Variants in SLC9C2 observed in about 807,000 individuals in gnomAD.
The protein encoded by SLC9C2 is solute carrier family 9 member C2 (putative).
SLC9C2 carries 75 observed loss-of-function variants against 140.2 expected under a neutral mutation model. The observed-to-expected ratio is 0.53, with a 90% CI of 0.44 to 0.65. The LOEUF is 0.65. SLC9C2 is among the 30% of genes least tolerant of loss of function. SLC9C2 has a pLI of 0.00. For synonymous variants in SLC9C2, 375 were observed against 420.9 expected, an observed-to-expected ratio of 0.89 and a Z score of 1.34; for missense variants, 1,074 against 1,331.8, an observed-to-expected ratio of 0.81 and a Z score of 3.01.
At chr1:173,567,469 T>C (rs190659174) in intron 9 of SLC9C2, among the ~76,000 whole-genome samples, 1 of 152,136 alleles carries the variant, frequency 6.6e-6, no homozygotes, top group Non-Finnish European at 1.5e-5. Context: ...GTCTGAAGTA[T>C]AGCTACTCTT....
In SLC9C2 at chr1:173,524,793, T is replaced by C; in HGVS notation, c.2500A>G (p.Ile834Val). 1 of 1,613,944 alleles carries C rather than the reference T, an allele frequency of 6.2e-7. No individual in the cohort carries two copies. The highest frequency in any genetic ancestry group is 8.5e-7 in the Non-Finnish European group (1 of 1,179,872). ...AGCAAAATTACCTTATTTATCTCAA[T>C]GACTTCATGCTTATCAATAATGCCT... is the stretch of plus-strand genomic sequence containing the variant. ...SRGIIDKHEV[I>V]EINKVLLKKL... is the part of the protein sequence containing the mutation. The change falls in exon 20 of 28, where the codon ATT becomes GTT. Residue 834 changes from isoleucine (I) to valine (V), a missense_variant. Ile to Val is a conservative substitution (Grantham distance 29). Coordinates refer to ENST00000367714, the MANE Select transcript of SLC9C2 (RefSeq NM_178527.4).
intron 10 of SLC9C2, among the ~76,000 whole-genome samples, chr1:173,556,651 C>T (rs1161224102): frequency 2.0e-5 from 3 of 151,982 alleles, no homozygotes; most frequent in Non-Finnish European, 4.4e-5. Context: ...TGGTGGCTCA[C>T]GTCTGTAATC....
intron 11 of SLC9C2, among the ~76,000 whole-genome samples, chr1:173,549,705 A>G (rs915089290): frequency 1.3e-5 from 2 of 152,236 alleles, no homozygotes; most frequent in Admixed American, 1.3e-4. Context: ...ACCACATGGT[A>G]TTCCTAGAAA....
At chr1:173,583,678 G>A in intron 5 of SLC9C2, 56 bp from the exon 6 acceptor site, 2 of 886,796 alleles carry the variant, frequency 2.3e-6, no homozygotes, top group Non-Finnish European at 3.4e-6. Flanking sequence ...TAATGTTCTT[G>A]CACAGGAAGC....
rs561901859 is a variant in SLC9C2 at position 173,573,518 on chromosome 1, C to G, written c.903-193G>C. 1.5e-4 allele frequency among the ~76,000 whole-genome samples: 23 copies of G among 152,018 alleles called. No individual in the cohort carries two copies. In the South Asian group the frequency reaches 1.9e-3, roughly 12 times the overall value. The stretch of plus-strand genomic sequence containing the variant: ...CACCCAGTTCCATATTTTTCATTAC[C>G]TTCATCACACCAATACCCATGGGCT... On this transcript the variant is annotated intron_variant, in intron 8 of 27. Coordinates refer to ENST00000367714, the MANE Select transcript of SLC9C2 (RefSeq NM_178527.4).
chr1:173,535,358 C>T (rs189350223), intron 15 of SLC9C2, among the ~76,000 whole-genome samples: 455 of 152,188 alleles, frequency 3.0e-3, no homozygotes, highest in Non-Finnish European at 5.3e-3. Flanking sequence ...AATATCTACC[C>T]CAGTTAAGTA....
At position 173,583,478 on chromosome 1, in the gene SLC9C2, A is replaced by T. The variant is rs760687478; in HGVS notation, c.640+28T>A. 6.2e-6 allele frequency: 8 copies of T among 1,282,490 alleles called. No homozygotes were observed. In the Middle Eastern group the frequency reaches 5.6e-4, roughly 91 times the overall value. The allele number at this position is 1,282,490 out of a possible 1,614,324, so 79.4% of individuals were successfully genotyped here. The stretch of plus-strand genomic sequence containing the variant: ...TTAATTTTAATGAGAATGATTTTAG[A>T]AAATATACAGACAAAAAATGCTCCT... On this transcript the variant is annotated intron_variant, in intron 6 of 27. Transcript: ENST00000367714.
chr1:173,600,192 A>T lies in SLC9C2; in HGVS notation c.153T>A (p.Asn51Lys). The T allele has an allele frequency of 6.2e-7, 1 of 1,612,598 alleles. No individual in the cohort carries two copies. The highest frequency in any genetic ancestry group is 8.5e-7 in the Non-Finnish European group (1 of 1,179,214). ...LGGLLKMCLK[N>K]CEVIVLTILS... The stretch of plus-strand genomic sequence containing the variant: ...GAATCGTCAAAACAATGACTTCACA[A>T]TTCTTTAAACACATCTTCAAAAGCC... Residue 51 changes from asparagine (N) to lysine (K), a missense_variant, in exon 3 of 28, where the codon AAT becomes AAA. Transcript: ENST00000367714.
At chr1:173,571,453 C>T (rs1664839400) in intron 9 of SLC9C2, 1 of 152,224 alleles carries the variant, frequency 6.6e-6, no homozygotes, top group African/African-American at 2.4e-5. Flanking sequence ...CTGGCTCCCT[C>T]ACCTCTTTCA....
chr1:173,569,515 T>A (rs1030322402), intron 9 of SLC9C2, among the ~76,000 whole-genome samples: 2 of 152,134 alleles, frequency 1.3e-5, no homozygotes, highest in South Asian at 4.1e-4. Context: ...AGTTCTCTGA[T>A]ATTACCATTT....
At chr1:173,531,814 T>C (rs1410739759) in intron 17 of SLC9C2, among the ~76,000 whole-genome samples, 1 of 152,246 alleles carries the variant, frequency 6.6e-6, no homozygotes, top group Non-Finnish European at 1.5e-5. Flanking sequence ...TCACGAAGTA[T>C]GACTTCTAAA....
intron 11 of SLC9C2, among the ~76,000 whole-genome samples, chr1:173,551,243 C>G (rs1663287417): frequency 6.6e-6 from 1 of 152,084 alleles, no homozygotes; most frequent in Admixed American, 6.6e-5. Context: ...TATGAGAAAC[C>G]TTTTGATTAC....
At position 173,547,635 on chromosome 1, in the gene SLC9C2, A is replaced by G. The variant is rs374848574; in HGVS notation, c.1557+54T>C. 2.0e-5 allele frequency: 27 copies of G among 1,339,702 alleles called. No individual in the cohort carries two copies. In the African/African-American group the frequency reaches 3.5e-4, roughly 17 times the overall value. 83.0% of individuals were successfully genotyped at this position (1,339,702 alleles called of 1,614,324 possible). On this transcript the variant is annotated intron_variant, in intron 13 of 27. Coordinates refer to ENST00000367714, the MANE Select transcript of SLC9C2 (RefSeq NM_178527.4). ...AGTCATCTGAAAATCATATGCAAGG[A>G]TCAAAGACATTGCAAGAAAGGAAAT...
chr1:173,569,874 A>G (rs1191235271), intron 9 of SLC9C2, among the ~76,000 whole-genome samples: 3 of 152,184 alleles, frequency 2.0e-5, no homozygotes, highest in Non-Finnish European at 4.4e-5. Flanking sequence ...TATTCAAACC[A>G]TAAGACAAAG....
intron 25 of SLC9C2, among the ~76,000 whole-genome samples, chr1:173,506,403 G>A (rs1281134450): frequency 6.6e-6 from 1 of 152,236 alleles, no homozygotes; most frequent in Non-Finnish European, 1.5e-5. Context: ...GGTATGGAAT[G>A]CTGAGGCCCA....
Position 173,576,641 on chromosome 1 carries a change from G to A in SLC9C2, c.902+20C>T, listed in dbSNP as rs757215721. Reference sequence around the variant, plus strand: ...CTAAACTGCTATGAGATCCATCGAAGGGCACGATAGGAAACTTACTTAGTA... The same window carrying A: ...CTAAACTGCTATGAGATCCATCGAAAGGCACGATAGGAAACTTACTTAGTA... On this transcript the variant is annotated intron_variant, in intron 8 of 27. Coordinates refer to ENST00000367714, the MANE Select transcript of SLC9C2 (RefSeq NM_178527.4). The A allele has an allele frequency of 4.6e-6, 7 of 1,516,864 alleles. No individual in the cohort carries two copies. Among genetic ancestry groups the A allele is most frequent in the Admixed American group, 1.8e-5 (1 of 56,686 alleles). 94.0% of individuals were successfully genotyped at this position (1,516,864 alleles called of 1,614,324 possible). A position where few individuals can be genotyped will look rare whatever the true frequency, so the allele number is the denominator to read the frequency against.
At chr1:173,600,275 G>A (rs1213715799) in intron 2 of SLC9C2, 58 bp from the exon 3 acceptor site, 1 of 1,268,036 alleles carries the variant, frequency 7.9e-7, no homozygotes, top group Non-Finnish European at 1.1e-6. Flanking sequence ...TCTACCAAAT[G>A]TGTATCACTT....
At chr1:173,589,975 G>C (rs1474973182) in intron 4 of SLC9C2, among the ~76,000 whole-genome samples, 7 of 152,170 alleles carry the variant, frequency 4.6e-5, no homozygotes, top group Admixed American at 2.0e-4. Flanking sequence ...TGGCACCGTG[G>C]CTCACTCCTA....
intron 4 of SLC9C2, among the ~76,000 whole-genome samples, chr1:173,589,069 C>G (rs114207021): frequency 1.2e-3 from 179 of 152,266 alleles, no homozygotes; most frequent in African/African-American, 4.2e-3. Flanking sequence ...CAGAGAAAGA[C>G]CCTGTCTCTA....
Sources: allele counts gnomAD v4.1 joint callset (sites outside exome capture counted in the v4.1 genomes callset), GRCh38; gene constraint gnomAD v4.1.1; transcripts MANE v1.5; gene names NCBI Gene and HGNC (gene_info 2026-07-23, HGNC 2026-07-21).